ERC2: variants seen among roughly 807,000 people sequenced by gnomAD.
ERC2 encodes ERC protein 2.
A neutral mutation model predicts 114.8 loss-of-function variants in ERC2; 42 were observed. The ratio of observed to expected loss-of-function variants is 0.37; its 90% CI spans 0.29 to 0.47. ERC2 has a LOEUF of 0.47. Ranked by LOEUF, ERC2 falls within the 20% of genes least tolerant of loss-of-function variation. The pLI is 0.99. For missense variants in ERC2, 939 were observed against 1,150.7 expected, an observed-to-expected ratio of 0.82 and a Z score of 2.66; for synonymous variants, 454 against 425.5, an observed-to-expected ratio of 1.07 and a Z score of -0.82.
At chr3:56,264,844 G>C (rs1180841903) in intron 3 of ERC2, among the ~76,000 whole-genome samples, 1 of 135,864 alleles carries the variant, frequency 7.4e-6, no homozygotes, top group Admixed American at 7.2e-5. Flanking sequence ...AAAAAATCAA[G>C]AAAATGATCC....
At chr3:55,967,935 C>T (rs551688015) in intron 12 of ERC2, among the ~76,000 whole-genome samples, 1 of 152,264 alleles carries the variant, frequency 6.6e-6, no homozygotes, top group South Asian at 2.1e-4. Flanking sequence ...ATGCCAGCTT[C>T]CTGATCTTGG....
At chr3:56,088,229 C>T (rs1405322910) in intron 6 of ERC2, among the ~76,000 whole-genome samples, 1 of 152,152 alleles carries the variant, frequency 6.6e-6, no homozygotes, top group Admixed American at 6.6e-5. Flanking sequence ...GGTTCTCCCC[C>T]AAGTCCTCAA....
chr3:55,781,161 A>C (rs1421013099), intron 14 of ERC2, among the ~76,000 whole-genome samples: 2 of 152,190 alleles, frequency 1.3e-5, no homozygotes, highest in Non-Finnish European at 2.9e-5. Context: ...AACACTCAAA[A>C]TAATGCTGAG....
intron 14 of ERC2, among the ~76,000 whole-genome samples, chr3:55,803,230 A>G (rs1469407947): frequency 6.6e-6 from 1 of 152,200 alleles, no homozygotes; most frequent in African/African-American, 2.4e-5. Context: ...TGCTTTTTCA[A>G]TTGCAATTTT....
At chr3:56,109,581 A>G (rs1361670783) in intron 6 of ERC2, among the ~76,000 whole-genome samples, 1 of 152,184 alleles carries the variant, frequency 6.6e-6, no homozygotes, top group Non-Finnish European at 1.5e-5. Flanking sequence ...ATTATAGTCC[A>G]TGCACATAAC....
chr3:55,973,124 G>T (rs76912335), intron 12 of ERC2, among the ~76,000 whole-genome samples: 1 of 152,192 alleles, frequency 6.6e-6, no homozygotes, highest in Non-Finnish European at 1.5e-5. Flanking sequence ...CAGACACAGG[G>T]TGTTGCCTCA....
chr3:55,791,070 T>C (rs1191658352), intron 14 of ERC2, among the ~76,000 whole-genome samples: 1 of 152,216 alleles, frequency 6.6e-6, no homozygotes, highest in Non-Finnish European at 1.5e-5. Flanking sequence ...TGCAGGGAGT[T>C]ACACAAATTA....
intron 3 of ERC2, among the ~76,000 whole-genome samples, chr3:56,204,967 T>A (rs2048633693): frequency 1.3e-5 from 2 of 151,890 alleles, no homozygotes; most frequent in Admixed American, 1.3e-4. Flanking sequence ...TCTGTCTGTC[T>A]CATTATAAAG....
rs141542419 is a variant in ERC2 at position 55,777,098 on chromosome 3, A to C, written c.2565-42180T>G. ...ACATAAAAAAAAAATAATAACAGCAATATCTGGCATCTCAAAAAGGAACAT... is the reference window on the plus strand; with the variant it reads ...ACATAAAAAAAAAATAATAACAGCACTATCTGGCATCTCAAAAAGGAACAT... On this transcript the variant is annotated intron_variant, in intron 14 of 17. Transcript: ENST00000288221. Among the ~76,000 whole-genome samples, 5 of 152,264 alleles carry C rather than the reference A, an allele frequency of 3.3e-5. No homozygotes were observed. The East Asian group carries it at 9.7e-4, about 29-fold the overall frequency.
chr3:55,829,530 T>G (rs1027180626), intron 14 of ERC2, among the ~76,000 whole-genome samples: 6 of 152,176 alleles, frequency 3.9e-5, no homozygotes, highest in Admixed American at 1.3e-4. Flanking sequence ...AATATATTTT[T>G]TCTTTAATGA....
At chr3:56,055,252 C>T (rs2075960902) in intron 7 of ERC2, among the ~76,000 whole-genome samples, 1 of 152,176 alleles carries the variant, frequency 6.6e-6, no homozygotes, top group East Asian at 1.9e-4. Flanking sequence ...GAGCTGGTGC[C>T]TTCTAGCTGG....
chr3:56,190,724 C>A (rs565048017), intron 3 of ERC2, among the ~76,000 whole-genome samples: 70 of 152,118 alleles, frequency 4.6e-4, no homozygotes, highest in African/African-American at 1.6e-3. Flanking sequence ...CAGGTGCATG[C>A]CACCACACCC....
intron 15 of ERC2, among the ~76,000 whole-genome samples, chr3:55,722,601 T>C (rs553189731): frequency 8.4e-4 from 128 of 152,326 alleles, no homozygotes; most frequent in African/African-American, 2.5e-3. Context: ...ACTGGAATAG[T>C]TGGGGCAGGG....
intron 17 of ERC2, among the ~76,000 whole-genome samples, chr3:55,544,233 C>T (rs1251791284): frequency 1.3e-5 from 2 of 152,186 alleles, no homozygotes; most frequent in Non-Finnish European, 2.9e-5. Context: ...TTATACTCCT[C>T]CTTGAGCTCC....
chr3:56,219,338 GA>G (rs1490421176), intron 3 of ERC2, among the ~76,000 whole-genome samples: 1 of 151,830 alleles, frequency 6.6e-6, no homozygotes, highest in East Asian at 1.9e-4. Context: ...GGACAATAAT[GA>G]AAAAGAAGAC....
intron 7 of ERC2, among the ~76,000 whole-genome samples, chr3:56,064,679 T>G (rs561586528): frequency 7.2e-5 from 11 of 152,320 alleles, no homozygotes; most frequent in African/African-American, 2.6e-4. Flanking sequence ...GAACTTTGTT[T>G]AACTCTATTA....
At chr3:56,058,379 C>G (rs997398380) in intron 7 of ERC2, among the ~76,000 whole-genome samples, 1 of 152,214 alleles carries the variant, frequency 6.6e-6, no homozygotes, top group Non-Finnish European at 1.5e-5. Flanking sequence ...ACACCACACT[C>G]CAGGTGCCTG....
intron 3 of ERC2, among the ~76,000 whole-genome samples, chr3:56,216,431 A>C (rs552053873): frequency 6.6e-6 from 1 of 152,350 alleles, no homozygotes; most frequent in East Asian, 1.9e-4. Context: ...CACCCTTCCG[A>C]GACCAAACCA....
intron 3 of ERC2, among the ~76,000 whole-genome samples, chr3:56,277,766 T>A (rs542454776): frequency 6.9e-6 from 1 of 144,000 alleles, no homozygotes; most frequent in African/African-American, 2.5e-5. Flanking sequence ...AAAAAAAAAA[T>A]TAGTATAAAC....
Sources: allele counts gnomAD v4.1 joint callset (sites outside exome capture counted in the v4.1 genomes callset), GRCh38; gene constraint gnomAD v4.1.1; transcripts MANE v1.5; gene names NCBI Gene and HGNC (gene_info 2026-07-23, HGNC 2026-07-21).